The following ZNF521 variants were observed in gnomAD, a reference collection of about 807,000 sequenced individuals.
The protein encoded by ZNF521 is LYST-interacting protein 3.
ZNF521 carries 14 observed loss-of-function variants against 105.5 expected under a neutral mutation model. The ratio of observed to expected loss-of-function variants is 0.13; its 90% confidence interval spans 0.09 to 0.21. The LOEUF (loss-of-function observed/expected upper bound fraction) is 0.21. Among genes scored for constraint, ZNF521 ranks in the 10% least tolerant of loss-of-function variants. The probability of loss-of-function intolerance (pLI) is 1.00; values close to 1 mark genes in which losing one functional copy is unlikely to be tolerated. For synonymous variants in ZNF521, 635 were observed against 606.0 expected, an observed-to-expected ratio of 1.05 and a Z score of -0.70; for missense variants, 1,233 against 1,629.7, an observed-to-expected ratio of 0.76 and a Z score of 4.19.
At chr18:25,087,178 C>T (rs1192898538) in intron 7 of ZNF521, among the ~76,000 whole-genome samples, 1 of 151,968 alleles carries the variant, frequency 6.6e-6, no homozygotes, top group African/African-American at 2.4e-5. Context: ...TTTTGTGGTC[C>T]TCAATAATTT....
chr18:25,205,431 G>A (rs1014162575), intron 4 of ZNF521, among the ~76,000 whole-genome samples: 1 of 152,028 alleles, frequency 6.6e-6, no homozygotes, highest in Non-Finnish European at 1.5e-5. Context: ...CAAAATTTGG[G>A]GTTACACAAA....
chr18:25,310,005 G>C (rs1269970787), intron 3 of ZNF521, among the ~76,000 whole-genome samples: 1 of 152,080 alleles, frequency 6.6e-6, no homozygotes, highest in Non-Finnish European at 1.5e-5. Flanking sequence ...GATAGAGATA[G>C]GTAAGTTGAT....
At chr18:25,116,932 T>C (rs1416362432) in intron 5 of ZNF521, among the ~76,000 whole-genome samples, 1 of 143,520 alleles carries the variant, frequency 7.0e-6, no homozygotes, top group Non-Finnish European at 1.5e-5. Flanking sequence ...TGTATATATA[T>C]ACGTATATAT....
intron 4 of ZNF521, chr18:25,202,391 T>C (rs1012625354): frequency 6.6e-6 from 1 of 152,106 alleles, no homozygotes; most frequent in Non-Finnish European, 1.5e-5. Flanking sequence ...AATCTAGAGA[T>C]CATTTAAAGT....
rs551517292 is a variant in ZNF521, at chr18:25,351,152, A to ACGGCGGCGG, written c.-1-214_-1-206dup. 8 of 155,146 alleles carry ACGGCGGCGG rather than the reference A, an allele frequency of 5.2e-5. No individual in the cohort carries two copies. The South Asian group carries it at 7.2e-4, about 14-fold the overall frequency. 9.6% of individuals were successfully genotyped at this position (155,146 alleles called of 1,614,324 possible). On this transcript the variant is annotated intron_variant, in intron 1 of 7. Coordinates refer to ENST00000361524, the MANE Select transcript of ZNF521 (RefSeq NM_015461.3). The stretch of plus-strand genomic sequence containing the variant: ...CTGCCCGAGCTCCGCGCTCTGCACG[A>ACGGCGGCGG]CGGCGGCGGCGGCGGCGGCGGCTGC...
At chr18:25,246,789 C>A (rs555445565) in intron 3 of ZNF521, among the ~76,000 whole-genome samples, 1 of 152,200 alleles carries the variant, frequency 6.6e-6, no homozygotes, top group African/African-American at 2.4e-5. Flanking sequence ...TGTTTTCTCT[C>A]TTCCCTTTGT....
At position 25,226,981 on chromosome 18, in the gene ZNF521, T is replaced by C. The variant is rs533321806; in HGVS notation, c.937A>G (p.Ser313Gly). Residue 313 changes from serine (S) to glycine (G), a missense_variant, in exon 4 of 8, where the codon AGC (serine) becomes GGC (glycine). This residue lies in a region of ZNF521 where 380 missense variants were observed against 478.0 expected (regional missense o/e 0.80). Transcript: ENST00000361524. The surrounding 1 kb of genome is among the most constrained non-coding windows in gnomAD (Gnocchi z 4.1). ...VHSGEKKNSC[S>G]ICSESFHTVE... is the part of the protein sequence containing the mutation. Reference sequence around the variant, plus strand: ...GTGTGGAAACTCTCAGAACAAATGCTGCATGAGTTCTTCTTCTCCCCGCTA... The same window carrying C: ...GTGTGGAAACTCTCAGAACAAATGCCGCATGAGTTCTTCTTCTCCCCGCTA... The C allele has an allele frequency of 1.3e-5, 21 of 1,614,134 alleles. No individual in the cohort carries two copies. Among genetic ancestry groups the C allele is most frequent in the Admixed American group, 5.0e-5 (3 of 60,030 alleles).
Position 25,226,962 on chromosome 18 carries a change from A to G in ZNF521, c.956T>C (p.Phe319Ser), listed in dbSNP as rs960955566. ...KNSCSICSES[F>S]HTVEELYSHM... ...GCTGTACAGTTCCTCAACTGTGTGG[A>G]AACTCTCAGAACAAATGCTGCATGA... Residue 319 changes from phenylalanine to serine, a missense_variant, in exon 4 of 8, where the codon TTC becomes TCC. By Grantham distance (155) the Phe-to-Ser change is radical. This residue lies in a region of ZNF521 where 380 missense variants were observed against 478.0 expected (regional missense o/e 0.80). Transcript: ENST00000361524. The surrounding 1 kb of genome is among the most constrained non-coding windows in gnomAD (Gnocchi z 4.1). 3 of 1,613,810 alleles carry G rather than the reference A, an allele frequency of 1.9e-6. No homozygotes were observed. Among genetic ancestry groups the G allele is most frequent in the Non-Finnish European group, 2.5e-6 (3 of 1,180,002 alleles).
chr18:25,113,599 G>T (rs2034239382), intron 5 of ZNF521, among the ~76,000 whole-genome samples: 1 of 151,858 alleles, frequency 6.6e-6, no homozygotes, highest in Non-Finnish European at 1.5e-5. Context: ...GGAGAAAAGG[G>T]AAAAAATCAT....
intron 5 of ZNF521, among the ~76,000 whole-genome samples, chr18:25,169,733 A>C (rs1276702580): frequency 2.6e-5 from 4 of 152,146 alleles, no homozygotes; most frequent in African/African-American, 7.2e-5. Flanking sequence ...TACTGAAATG[A>C]GGGTGGGGAA....
chr18:25,250,782 T>C (rs1219772765), intron 3 of ZNF521, among the ~76,000 whole-genome samples: 1 of 152,216 alleles, frequency 6.6e-6, no homozygotes, highest in African/African-American at 2.4e-5. Flanking sequence ...TTTTCCAACA[T>C]ATCATTTAGC....
chr18:25,097,689 A>C (rs1157570652), intron 5 of ZNF521, among the ~76,000 whole-genome samples: 2 of 152,236 alleles, frequency 1.3e-5, no homozygotes, highest in Admixed American at 1.3e-4. Context: ...CTGTGTGCAC[A>C]AAGTGCCTAA....
intron 7 of ZNF521, among the ~76,000 whole-genome samples, chr18:25,082,360 G>C (rs1358368260): frequency 6.6e-6 from 1 of 152,124 alleles, no homozygotes; most frequent in East Asian, 1.9e-4. Context: ...TCCAGGAAGG[G>C]GTGGGAATTA....
intron 2 of ZNF521, among the ~76,000 whole-genome samples, chr18:25,350,033 C>T (rs1348942674): frequency 1.3e-5 from 2 of 151,804 alleles, no homozygotes; most frequent in African/African-American, 4.8e-5. Context: ...GTGGAGGAGG[C>T]GGCCGAGGAG....
At chr18:25,284,563 A>C (rs749629295) in intron 3 of ZNF521, among the ~76,000 whole-genome samples, 4 of 152,194 alleles carry the variant, frequency 2.6e-5, no homozygotes, top group Non-Finnish European at 4.4e-5. Context: ...GGCCGGAGGA[A>C]AATTAAAAAG....
In ZNF521 at chr18:25,110,520, G is replaced by A. The variant is rs189149404; in HGVS notation, c.3659-18439C>T. 5.9e-5 allele frequency among the ~76,000 whole-genome samples: 9 copies of A among 152,194 alleles called. No individual in the cohort carries two copies. In the East Asian group the frequency reaches 1.5e-3, roughly 26 times the overall value. On this transcript the variant is annotated intron_variant, in intron 5 of 7. Transcript: ENST00000361524. ...TTGGTGAAGCCGCAGGGTTATAAGGGATTTCAAGTCCACCCATGAACGAGG... is the reference window on the plus strand; with the variant it reads ...TTGGTGAAGCCGCAGGGTTATAAGGAATTTCAAGTCCACCCATGAACGAGG...
chr18:25,273,220 CAAAAAAAAAAAAAAAAAA>C (rs67381140), intron 3 of ZNF521, among the ~76,000 whole-genome samples: 4 of 40,886 alleles, frequency 9.8e-5, no homozygotes, highest in Non-Finnish European at 1.7e-4. Context: ...ACCCTGTCTC[CAAAAAAAAAAAAAAAAAA>C]AAAAAAAAAA....
At chr18:25,249,241 C>T (rs1376993166) in intron 3 of ZNF521, among the ~76,000 whole-genome samples, 3 of 151,614 alleles carry the variant, frequency 2.0e-5, no homozygotes, top group Non-Finnish European at 4.4e-5. Context: ...CTGCAAGCTC[C>T]GCCTCCTGGG....
intron 7 of ZNF521, among the ~76,000 whole-genome samples, chr18:25,070,906 G>C (rs1200970127): frequency 6.6e-6 from 1 of 152,122 alleles, no homozygotes; most frequent in Non-Finnish European, 1.5e-5. Flanking sequence ...GGGAGGAACT[G>C]ATCTAAAGGG....
Sources: allele counts gnomAD v4.1 joint callset (sites outside exome capture counted in the v4.1 genomes callset), GRCh38; gene constraint gnomAD v4.1.1; regional missense constraint gnomAD v4.1.1; non-coding constraint Gnocchi (gnomAD v3.1); transcripts MANE v1.5; gene names NCBI Gene and HGNC (gene_info 2026-07-23, HGNC 2026-07-21).